SPECC1L: variants seen among roughly 807,000 people sequenced by gnomAD.
SPECC1L encodes cytospin-A.
SPECC1L carries 40 observed loss-of-function variants against 116.8 expected under a neutral mutation model. The ratio of observed to expected loss-of-function variants is 0.34; its 90% CI spans 0.27 to 0.45. The LOEUF is 0.45. SPECC1L is among the 20% of genes least tolerant of loss of function. SPECC1L has a pLI of 1.00. For missense variants in SPECC1L, 1,110 were observed against 1,373.6 expected (o/e 0.81, Z 3.03); for synonymous variants, 504 against 500.6 (o/e 1.01, Z -0.09).
intron 13 of SPECC1L, among the ~76,000 whole-genome samples, chr22:24,368,851 T>C (rs2041821997): frequency 6.6e-6 from 1 of 152,218 alleles, no homozygotes; most frequent in East Asian, 1.9e-4. Flanking sequence ...GTCACCATGT[T>C]GGCCAGGCTG....
In SPECC1L at chr22:24,405,172, T is replaced by C. The variant is rs149097931; in HGVS notation, c.3088-6416T>C. ...TGAAACAAGTTATTGTAGAGCATGC[T>C]TCCTACCGTTGTGTTTTGAGTGAGA... On this transcript the variant is annotated intron_variant, in intron 14 of 16. Coordinates refer to ENST00000314328, the MANE Select transcript of SPECC1L (RefSeq NM_015330.6). Among the ~76,000 whole-genome samples the C allele has an allele frequency of 7.9e-3, 1,196 of 152,334 alleles. 12 individuals carry two copies. Among genetic ancestry groups the C allele is most frequent in the Admixed American group, 0.011 (164 of 15,306 alleles).
chr22:24,410,687 G>A (rs142949851), intron 14 of SPECC1L, among the ~76,000 whole-genome samples: 36 of 152,254 alleles, frequency 2.4e-4, no homozygotes, highest in African/African-American at 7.9e-4. Flanking sequence ...CATGTGGTGC[G>A]TGGCCTGGAC....
chr22:24,364,871 A>T (rs2041721020), intron 12 of SPECC1L, among the ~76,000 whole-genome samples: 1 of 152,076 alleles, frequency 6.6e-6, no homozygotes, highest in Admixed American at 6.6e-5. Context: ...AATTAAACAG[A>T]TGTTTATGTA....
chr22:24,410,388 C>A (rs1380627429), intron 14 of SPECC1L, among the ~76,000 whole-genome samples: 1 of 152,194 alleles, frequency 6.6e-6, no homozygotes, highest in South Asian at 2.1e-4. Flanking sequence ...TCTGGGAGGT[C>A]AGGCTGAGTC....
chr22:24,328,723 T>G (rs2040877692), intron 6 of SPECC1L, 123 bp from the exon 7 acceptor site: 2 of 671,918 alleles, frequency 3.0e-6, no homozygotes, highest in South Asian at 3.9e-5. Context: ...GTATTAAAAT[T>G]TTTTATAGTC....
At chr22:24,282,300 G>A (rs1181091444) in intron 2 of SPECC1L, among the ~76,000 whole-genome samples, 2 of 152,214 alleles carry the variant, frequency 1.3e-5, no homozygotes, top group African/African-American at 2.4e-5. Context: ...TGAGTCCTAC[G>A]AAGGCAGTCT....
chr22:24,342,478 C>G (rs1160298836), intron 10 of SPECC1L, among the ~76,000 whole-genome samples: 1 of 151,954 alleles, frequency 6.6e-6, no homozygotes, highest in Admixed American at 6.6e-5. Context: ...CAAGACCAGC[C>G]TGGCCAACAT....
At chr22:24,296,886 T>C (rs1456141078) in intron 2 of SPECC1L, among the ~76,000 whole-genome samples, 1 of 152,176 alleles carries the variant, frequency 6.6e-6, no homozygotes, top group Non-Finnish European at 1.5e-5. Context: ...ATTCAAGGCT[T>C]AGTGTGGTGA....
At chr22:24,276,889 G>A (rs914405624) in intron 2 of SPECC1L, 86 bp downstream of exon 2, 3 of 352,908 alleles carry the variant, frequency 8.5e-6, no homozygotes, top group Admixed American at 6.6e-5. Flanking sequence ...CCTTATCATG[G>A]TTTGGTTCTA....
intron 6 of SPECC1L, 35 bp from the exon 7 acceptor site, chr22:24,328,811 G>T (rs772396854): frequency 6.6e-7 from 1 of 1,506,426 alleles, no homozygotes; most frequent in Non-Finnish European, 9.2e-7. Context: ...AGATTGTTGT[G>T]AGAATAGATA....
chr22:24,366,614 G>C (rs1327359231), intron 13 of SPECC1L, among the ~76,000 whole-genome samples: 2 of 152,118 alleles, frequency 1.3e-5, no homozygotes, highest in Non-Finnish European at 2.9e-5. Context: ...GAGAGGGTTG[G>C]ACCCAGATTT....
chr22:24,353,729 G>A (rs1160806924), intron 11 of SPECC1L, among the ~76,000 whole-genome samples: 2 of 152,040 alleles, frequency 1.3e-5, no homozygotes, highest in Non-Finnish European at 2.9e-5. Flanking sequence ...TTTAATGGAA[G>A]GGATACTGCA....
intron 3 of SPECC1L, among the ~76,000 whole-genome samples, chr22:24,308,471 G>A (rs1447422733): frequency 1.3e-5 from 2 of 152,296 alleles, no homozygotes; most frequent in Non-Finnish European, 2.9e-5. Context: ...TAAGATTTGG[G>A]TTATGCATTT....
rs192372967 is a variant in SPECC1L, at chr22:24,410,062, G to A, written c.3088-1526G>A. ...GAGGTGGTTCACCAAGAGGTGGCAT[G>A]GAGAGCACATAGCCGGCCTTAATCG... On this transcript the variant is annotated intron_variant, in intron 14 of 16. Coordinates refer to ENST00000314328, the MANE Select transcript of SPECC1L (RefSeq NM_015330.6). Among the ~76,000 whole-genome samples the A allele has an allele frequency of 7.9e-5, 12 of 152,384 alleles. No homozygotes were observed. In the East Asian group the frequency reaches 2.3e-3, roughly 29 times the overall value.
chr22:24,327,883 G>C (rs566365233), intron 6 of SPECC1L, among the ~76,000 whole-genome samples: 1 of 152,196 alleles, frequency 6.6e-6, no homozygotes, highest in Non-Finnish European at 1.5e-5. Flanking sequence ...GGCTGTGTAA[G>C]ACACACTTGG....
intron 14 of SPECC1L, among the ~76,000 whole-genome samples, chr22:24,390,461 C>T (rs2042241947): frequency 6.6e-6 from 1 of 152,162 alleles, no homozygotes; most frequent in East Asian, 1.9e-4. Context: ...AAAAAAGGTG[C>T]TGGCAGTAGA....
In SPECC1L at chr22:24,365,776, G is replaced by T. The variant is rs147176721; in HGVS notation, c.2984+144G>T. ...TGTTTGCGAATCTTTCTTATATCCA[G>T]AATTGAGTAAATGGTATAGAAGACA... is the stretch of plus-strand genomic sequence containing the variant. On this transcript the variant is annotated intron_variant, in intron 13 of 16. Transcript: ENST00000314328. 630 of 829,996 alleles carry T rather than the reference G, an allele frequency of 7.6e-4. 4 individuals carry two copies. The East Asian group carries it at 0.017, about 23-fold the overall frequency. The allele number at this position is 829,996 out of a possible 1,614,324, so 51.4% of individuals were successfully genotyped here.
intron 14 of SPECC1L, among the ~76,000 whole-genome samples, chr22:24,402,491 G>A (rs1401354163): frequency 6.6e-6 from 1 of 152,148 alleles, no homozygotes; most frequent in Non-Finnish European, 1.5e-5. Flanking sequence ...GGGGGGCATC[G>A]TGAGCCAGGG....
chr22:24,290,738 G>A (rs1323438553), intron 2 of SPECC1L, among the ~76,000 whole-genome samples: 3 of 152,116 alleles, frequency 2.0e-5, no homozygotes, highest in African/African-American at 7.2e-5. Flanking sequence ...CTTTTTCAGT[G>A]GAGTCTCACT....
Sources: gnomAD v4.1 joint callset for allele counts (sites outside exome capture counted in the v4.1 genomes callset) on GRCh38, gnomAD v4.1.1 for gene constraint, MANE v1.5 for transcripts, NCBI Gene and HGNC (gene_info 2026-07-23, HGNC 2026-07-21) for gene names.